Variants in MPPED1 observed in about 807,000 individuals in gnomAD.
MPPED1 encodes metallophosphoesterase domain-containing protein 1.
MPPED1 carries 16 observed loss-of-function variants against 36.2 expected under a neutral mutation model. The ratio of observed to expected loss-of-function variants is 0.44; its 90% CI spans 0.30 to 0.67. The LOEUF (loss-of-function observed/expected upper bound fraction) is 0.67. MPPED1 is among the 30% of genes least tolerant of loss of function. The probability of loss-of-function intolerance (pLI) is 0.10; values close to 1 mark genes in which losing one functional copy is unlikely to be tolerated. For synonymous variants in MPPED1, 199 were observed against 191.3 expected (o/e 1.04, Z -0.33); for missense variants, 307 against 453.4 (o/e 0.68, Z 2.93).
rs190428982 is a variant in MPPED1 at position 43,431,554 on chromosome 22, G to T, written c.225-3480G>T. Among the ~76,000 whole-genome samples, 728 of 152,298 alleles carry T rather than the reference G, an allele frequency of 4.8e-3. 3 individuals carry two copies. Among genetic ancestry groups the T allele is most frequent in the African/African-American group, 0.017 (710 of 41,562 alleles). ...TCCAGCCTGGTAACAGTCCAGCCTG[G>T]TGTGAGTTCTGGACCCAAAAACCAG... On this transcript the variant is annotated intron_variant, in intron 2 of 6. Transcript: ENST00000443721.
chr22:43,497,935 G>GTATGTGTATATATA (rs1932480800), intron 4 of MPPED1, among the ~76,000 whole-genome samples: 1 of 128,364 alleles, frequency 7.8e-6, no homozygotes, highest in African/African-American at 3.5e-5. Context: ...ATATGTATAT[G>GTATGTGTATATATA]TATATATATA....
Position 43,474,420 on chromosome 22 carries a change from A to G in MPPED1, c.407-316A>G, listed in dbSNP as rs543348385. ...TCAGGCTGCTGCCTCCTTTGATCTG[A>G]TGAAGACACCTGTTGGGGGCCTGGC... On this transcript the variant is annotated intron_variant, in intron 3 of 6. Transcript: ENST00000443721. This position sits in a 1 kb window ranked among gnomAD's most constrained non-coding sequence, Gnocchi z 5.2. Among the ~76,000 whole-genome samples the G allele has an allele frequency of 2.0e-5, 3 of 152,212 alleles. No individual in the cohort carries two copies. Among genetic ancestry groups the G allele is most frequent in the Non-Finnish European group, 4.4e-5 (3 of 68,030 alleles).
rs565215739 is a variant in MPPED1, at chr22:43,449,336, G to A, written c.406+14121G>A. 2.6e-5 allele frequency among the ~76,000 whole-genome samples: 4 copies of A among 152,160 alleles called. No homozygotes were observed. In the East Asian group the frequency reaches 7.7e-4, roughly 29 times the overall value. On this transcript the variant is annotated intron_variant, in intron 3 of 6. Transcript: ENST00000443721. ...AGACTGAGGCCCAGTGCGGAGAGGTGGTTTCTGGAGGTCACGCAGGTCTCC... is the reference window on the plus strand; with the variant it reads ...AGACTGAGGCCCAGTGCGGAGAGGTAGTTTCTGGAGGTCACGCAGGTCTCC...
intron 2 of MPPED1, among the ~76,000 whole-genome samples, chr22:43,434,450 CA>C: frequency 6.6e-6 from 1 of 152,348 alleles, no homozygotes; most frequent in East Asian, 1.9e-4. Context: ...ATCGCCCGAC[CA>C]CAGGCTTTAC....
At chr22:43,481,338 C>T (rs1193902570) in intron 4 of MPPED1, among the ~76,000 whole-genome samples, 4 of 152,160 alleles carry the variant, frequency 2.6e-5, no homozygotes, top group Admixed American at 2.6e-4. Flanking sequence ...TCTGGCTTCT[C>T]TCTCCTCCAT....
intron 4 of MPPED1, among the ~76,000 whole-genome samples, chr22:43,485,112 A>G (rs1931870244): frequency 6.6e-6 from 1 of 152,088 alleles, no homozygotes; most frequent in South Asian, 2.1e-4. Flanking sequence ...ACGTTCACAC[A>G]TGTACACACA....
intron 3 of MPPED1, among the ~76,000 whole-genome samples, chr22:43,464,253 T>G (rs1931081832): frequency 6.6e-6 from 1 of 151,788 alleles, no homozygotes. Context: ...ACTGCATTTG[T>G]GTATATGAAT....
At chr22:43,500,173 A>AGGTGGTGGTGATGGTGGTGGAGGT (rs1932635971) in intron 5 of MPPED1, among the ~76,000 whole-genome samples, 1 of 21,540 alleles carries the variant, frequency 4.6e-5, no homozygotes, top group Non-Finnish European at 7.8e-5. Context: ...ATGGTGATGG[A>AGGTGGTGGTGATGGTGGTGGAGGT]GGTGGTGGTG....
intron 3 of MPPED1, among the ~76,000 whole-genome samples, chr22:43,452,439 G>A (rs911374405): frequency 3.9e-5 from 6 of 152,154 alleles, no homozygotes; most frequent in African/African-American, 1.4e-4. Context: ...AGCTGCCTGT[G>A]TGTGTCTCCC....
rs535409773 is a variant in MPPED1, at chr22:43,495,369, T to A, written c.633-2866T>A. 9.7e-5 allele frequency among the ~76,000 whole-genome samples: 11 copies of A among 113,426 alleles called. No individual in the cohort carries two copies. In the East Asian group the frequency reaches 2.9e-3, roughly 30 times the overall value. The allele number at this position is 113,426 out of a possible 152,430, so 74.4% of individuals were successfully genotyped here. On this transcript the variant is annotated intron_variant, in intron 4 of 6. Coordinates refer to ENST00000443721, the MANE Select transcript of MPPED1 (RefSeq NM_001044370.2). ...GTGTTGATGGAGGTGATGGTGGTGA[T>A]GGTAGTGGTGATGGTGGTGGTAGTG...
chr22:43,504,699 G>A (rs1367153708), intron 6 of MPPED1, among the ~76,000 whole-genome samples: 1 of 151,814 alleles, frequency 6.6e-6, no homozygotes, highest in Non-Finnish European at 1.5e-5. Flanking sequence ...TGATAATGAT[G>A]GTGATGGTGG....
At chr22:43,419,432 G>A (rs1929184408) in intron 1 of MPPED1, among the ~76,000 whole-genome samples, 1 of 152,096 alleles carries the variant, frequency 6.6e-6, no homozygotes, top group African/African-American at 2.4e-5. Context: ...TTGGGTGCAG[G>A]GCCTTCTGGA....
chr22:43,502,820 G>A lies in MPPED1; in HGVS notation c.862+63G>A. On this transcript the variant is annotated intron_variant, in intron 6 of 6. Coordinates refer to ENST00000443721, the MANE Select transcript of MPPED1 (RefSeq NM_001044370.2). This position sits in a 1 kb window ranked among gnomAD's most constrained non-coding sequence, Gnocchi z 5.5. ...GGGCTCCTAATGGACCCTCCAGCAG[G>A]ACCTCCCCTTCGTTCAGCCAGAAGG... 1.5e-6 allele frequency: 2 copies of A among 1,377,988 alleles called. No homozygotes were observed. Among genetic ancestry groups the A allele is most frequent in the South Asian group, 1.2e-5 (1 of 85,986 alleles). 85.4% of individuals were successfully genotyped at this position (1,377,988 alleles called of 1,614,324 possible). A position where few individuals can be genotyped will look rare whatever the true frequency, so the allele number is the denominator to read the frequency against.
At chr22:43,468,924 T>C (rs1931266006) in intron 3 of MPPED1, among the ~76,000 whole-genome samples, 1 of 152,174 alleles carries the variant, frequency 6.6e-6, no homozygotes, top group African/African-American at 2.4e-5. Context: ...ATTTGTGCCC[T>C]TGCTGAGACT....
At chr22:43,499,067 ATGGAGGTGGTGATGG>A (rs1602023452) in intron 5 of MPPED1, among the ~76,000 whole-genome samples, 2 of 148,600 alleles carry the variant, frequency 1.3e-5, no homozygotes, top group Admixed American at 1.3e-4. Flanking sequence ...GGTAGTGGTG[ATGGAGGTGGTGATGG>A]TGGAGGTGGT....
At chr22:43,468,716 T>A (rs1931258347) in intron 3 of MPPED1, among the ~76,000 whole-genome samples, 1 of 152,150 alleles carries the variant, frequency 6.6e-6, no homozygotes, top group South Asian at 2.1e-4. Flanking sequence ...CGCCAGGGTC[T>A]GGAACACGGG....
At chr22:43,436,518 A>G (rs1315660980) in intron 3 of MPPED1, among the ~76,000 whole-genome samples, 1 of 152,234 alleles carries the variant, frequency 6.6e-6, no homozygotes, top group Admixed American at 6.5e-5. Context: ...CAAACGGGAA[A>G]TTCTAATCAA....
intron 6 of MPPED1, among the ~76,000 whole-genome samples, chr22:43,504,456 ACACCATTCT>A (rs1932773657): frequency 6.6e-6 from 1 of 152,006 alleles, no homozygotes; most frequent in Non-Finnish European, 1.5e-5. Context: ...ATTGGTGATG[ACACCATTCT>A]TGATGATGGT....
rs948630765 is a variant in MPPED1, at chr22:43,412,142, G to T, written c.-95G>T. 5.1e-6 allele frequency: 5 copies of T among 979,818 alleles called. No homozygotes were observed. Among genetic ancestry groups the T allele is most frequent in the Non-Finnish European group, 6.0e-6 (5 of 827,692 alleles). 60.7% of individuals were successfully genotyped at this position (979,818 alleles called of 1,614,324 possible). On this transcript the variant is annotated 5_prime_UTR_variant, in exon 1 of 7. Transcript: ENST00000443721. ...GCTCGCAGCCGCCGCGGCCGCCGAAGAGGAGCCCGGGGCCAGGTAGGACCG... is the reference window on the plus strand; with the variant it reads ...GCTCGCAGCCGCCGCGGCCGCCGAATAGGAGCCCGGGGCCAGGTAGGACCG...
Sources: gnomAD v4.1 joint callset for allele counts (sites outside exome capture counted in the v4.1 genomes callset) on GRCh38, gnomAD v4.1.1 for gene constraint, Gnocchi (gnomAD v3.1) non-coding constraint, MANE v1.5 for transcripts, NCBI Gene and HGNC (gene_info 2026-07-23, HGNC 2026-07-21) for gene names.